Variants in DTX2 observed in about 807,000 individuals in gnomAD.
The protein encoded by DTX2 is probable E3 ubiquitin-protein ligase DTX2.
A neutral mutation model predicts 55.3 loss-of-function variants in DTX2; 29 were observed. The ratio of observed to expected loss-of-function variants is 0.52; its 90% confidence interval spans 0.39 to 0.71. DTX2 has a LOEUF of 0.71. DTX2 is among the 30% of genes least tolerant of loss of function. The pLI is 0.00. For missense variants in DTX2, 537 were observed against 822.5 expected (o/e 0.65, Z 4.25); for synonymous variants, 276 against 340.4 (o/e 0.81, Z 2.08).
In DTX2 at chr7:76,505,456, C is replaced by A; in HGVS notation, c.1724C>A (p.Thr575Asn). ...TCCAGCACCACGGGTGAGACGGACA[C>A]CGTGGTATGGAACGAGATCCACCAC... is the stretch of plus-strand genomic sequence containing the variant. ...GTSSTTGETD[T>N]VVWNEIHHKT... Residue 575 changes from threonine (T) to asparagine (N), a missense_variant, in exon 11 of 11, where the codon ACC becomes AAC. Thr to Asn is a moderately conservative substitution (Grantham distance 65). This residue lies in a region of DTX2 where 33 missense variants were observed against 48.4 expected (regional missense o/e 0.68). Transcript: ENST00000430490. This position sits in a 1 kb window ranked among gnomAD's most constrained non-coding sequence, Gnocchi z 4.4. 6.2e-7 allele frequency: 1 copy of A among 1,606,882 alleles called. No homozygotes were observed. Among genetic ancestry groups the A allele is most frequent in the Non-Finnish European group, 8.5e-7 (1 of 1,176,956 alleles).
At chr7:76,471,402 C>A (rs1280948508) in intron 2 of DTX2, among the ~76,000 whole-genome samples, 1 of 150,712 alleles carries the variant, frequency 6.6e-6, no homozygotes, top group Non-Finnish European at 1.5e-5. Flanking sequence ...ACCTCGTGAT[C>A]CGCCCGCCTT....
chr7:76,469,174 T>G (rs1217904898), intron 2 of DTX2, among the ~76,000 whole-genome samples: 3 of 150,760 alleles, frequency 2.0e-5, no homozygotes, highest in Non-Finnish European at 4.4e-5. Context: ...CAAAGACTTT[T>G]TCTGTCCTTT....
In DTX2 at chr7:76,496,335, G is replaced by A. The variant is rs1810923581; in HGVS notation, c.1010-1002G>A. ...TGGGGAGTGGGGTCCAGGAGGACTG[G>A]GATTTCTACCAACTCCCCCGGCAGC... On this transcript the variant is annotated intron_variant, in intron 5 of 10. Transcript: ENST00000430490. Among the ~76,000 whole-genome samples, 2 of 84,318 alleles carry A rather than the reference G, an allele frequency of 2.4e-5. 1 individual carries two copies. The highest frequency in any genetic ancestry group is 8.5e-4 in the South Asian group (2 of 2,356). 55.3% of individuals were successfully genotyped at this position (84,318 alleles called of 152,430 possible).
intron 2 of DTX2, among the ~76,000 whole-genome samples, chr7:76,480,187 C>T (rs1464800843): frequency 4.8e-5 from 7 of 145,142 alleles, no homozygotes; most frequent in East Asian, 2.0e-4. Context: ...TGCCTATTGT[C>T]CCAGCTGCTC....
At chr7:76,491,322 T>C (rs1450014032) in intron 4 of DTX2, among the ~76,000 whole-genome samples, 2 of 128,518 alleles carry the variant, frequency 1.6e-5, no homozygotes, top group Non-Finnish European at 3.2e-5. Context: ...TGAGACGGAG[T>C]CTTGCTCTGT....
chr7:76,471,287 T>A (rs1799193), intron 2 of DTX2, among the ~76,000 whole-genome samples: 9,082 of 112,086 alleles, frequency 0.081, 35 homozygotes, highest in South Asian at 0.12. Context: ...TCAGCCTCCC[T>A]AGTAGCCGGG....
At chr7:76,491,066 G>A (rs1054103749) in intron 4 of DTX2, among the ~76,000 whole-genome samples, 3 of 124,544 alleles carry the variant, frequency 2.4e-5, no homozygotes, top group African/African-American at 6.6e-5. Context: ...GTGCAATCTC[G>A]GCTCACTGCA....
At chr7:76,467,666 T>A (rs912869820) in intron 2 of DTX2, among the ~76,000 whole-genome samples, 1 of 138,652 alleles carries the variant, frequency 7.2e-6, no homozygotes, top group African/African-American at 2.7e-5. Context: ...CTGGGTCTGG[T>A]TTGAAGTCTT....
intron 4 of DTX2, among the ~76,000 whole-genome samples, chr7:76,484,378 A>AC (rs371583169): frequency 1.1e-3 from 114 of 105,774 alleles, no homozygotes; most frequent in African/African-American, 3.1e-3. Flanking sequence ...AAAATGAGGA[A>AC]CCCCCCCAGG....
At chr7:76,502,163 C>T in intron 7 of DTX2, 135 bp from the exon 8 acceptor site, 1 of 770,006 alleles carries the variant, frequency 1.3e-6, no homozygotes. Context: ...AGGCCTGAGC[C>T]ACTGCGCCTG....
intron 4 of DTX2, among the ~76,000 whole-genome samples, chr7:76,486,846 G>GGCT (rs370235862): frequency 0.027 from 2,157 of 79,196 alleles, 3 homozygotes; most frequent in Non-Finnish European, 0.036. Flanking sequence ...TGTTGTGGTG[G>GGCT]GCTGCTGCTG....
intron 2 of DTX2, among the ~76,000 whole-genome samples, chr7:76,468,758 A>ATCTTTTTTTTTTT (rs1807492377): frequency 3.7e-5 from 1 of 27,044 alleles, no homozygotes; most frequent in Non-Finnish European, 5.9e-5. Flanking sequence ...CACGCCCAGC[A>ATCTTTTTTTTTTT]TTTTTTTTTT....
In DTX2 at chr7:76,503,554, C is replaced by T. The variant is rs776306896; in HGVS notation, c.1518C>T (p.Ile506=). The part of the protein sequence containing the change: ...SLPGHEDCGT[I]LIVYSIPHGI... ...CCGGCCACGAGGACTGCGGGACCAT[C>T]CTCATAGTTTACAGCATTCCCCATG... Residue 506 remains isoleucine (I), a synonymous_variant, in exon 9 of 11, where the codon ATC becomes ATT. Transcript: ENST00000430490. 2.3e-5 allele frequency: 37 copies of T among 1,612,542 alleles called. No homozygotes were observed. Among genetic ancestry groups the T allele is most frequent in the Non-Finnish European group, 3.1e-5 (37 of 1,179,762 alleles).
chr7:76,505,429 C>G lies in DTX2; in HGVS notation c.1697C>G (p.Thr566Arg). 1 of 1,600,692 alleles carries G rather than the reference C, an allele frequency of 6.2e-7. No homozygotes were observed. The highest frequency in any genetic ancestry group is 8.5e-7 in the Non-Finnish European group (1 of 1,173,964). ...WKRRLIFTVG[T>R]SSTTGETDTV... is the part of the protein sequence containing the mutation. ...AGGCGGCTCATCTTCACAGTGGGCA[C>G]GTCCAGCACCACGGGTGAGACGGAC... The change falls in exon 11 of 11, where the codon ACG becomes AGG. Residue 566 changes from threonine (T) to arginine (R), a missense_variant. Physicochemically the swap from Thr to Arg is moderately conservative, Grantham distance 71 (BLOSUM62 -1). Around this residue, in one of 7 missense-constraint regions of DTX2, gnomAD observed 33 missense variants for 48.4 expected, o/e 0.68. Transcript: ENST00000430490. This position sits in a 1 kb window ranked among gnomAD's most constrained non-coding sequence, Gnocchi z 4.4.
intron 3 of DTX2, 104 bp from the exon 4 acceptor site, chr7:76,482,404 C>T (rs1475458619): frequency 8.4e-7 from 1 of 1,191,134 alleles, no homozygotes; most frequent in Non-Finnish European, 1.2e-6. Context: ...TGTGTACCTA[C>T]TGTGTTCCTA....
intron 5 of DTX2, among the ~76,000 whole-genome samples, chr7:76,496,143 A>G (rs1810911773): frequency 1.2e-5 from 1 of 83,574 alleles, no homozygotes; most frequent in Admixed American, 1.1e-4. Flanking sequence ...GGCCACTGCA[A>G]CTCACCCTGC....
At chr7:76,501,532 C>G (rs556353071) in intron 7 of DTX2, among the ~76,000 whole-genome samples, 4 of 151,694 alleles carry the variant, frequency 2.6e-5, no homozygotes, top group African/African-American at 9.7e-5. Context: ...GGACCCCCAA[C>G]TCACACACAG....
chr7:76,486,884 C>CTGCTGCTGCTGCTGCTGCTGCTGCTTT (rs59594095), intron 4 of DTX2, among the ~76,000 whole-genome samples: 2,464 of 148,786 alleles, frequency 0.017, 23 homozygotes, highest in Middle Eastern at 0.035. Context: ...GCTGCTGCTG[C>CTGCTGCTGCTGCTGCTGCTGCTGCTTT]TGCCCTTGCC....
chr7:76,483,747 G>A (rs1044249098), intron 4 of DTX2, among the ~76,000 whole-genome samples: 1 of 150,858 alleles, frequency 6.6e-6, no homozygotes, highest in African/African-American at 2.4e-5. Flanking sequence ...AGACCAGAGC[G>A]GGTGGCATTT....
Sources: allele counts gnomAD v4.1 joint callset (sites outside exome capture counted in the v4.1 genomes callset), GRCh38; gene constraint gnomAD v4.1.1; regional missense constraint gnomAD v4.1.1; non-coding constraint Gnocchi (gnomAD v3.1); transcripts MANE v1.5; gene names NCBI Gene and HGNC (gene_info 2026-07-23, HGNC 2026-07-21).